SMAD4: variants seen among roughly 807,000 people sequenced by gnomAD.
The protein encoded by SMAD4 is SMAD family member 4.
Under a neutral mutation model 63.2 loss-of-function variants are expected in SMAD4, and 7 were observed. The observed-to-expected ratio is 0.11, with a 90% confidence interval of 0.06 to 0.21. The LOEUF is 0.21. SMAD4 is among the 10% of genes least tolerant of loss of function. SMAD4 has a pLI of 1.00. For synonymous variants in SMAD4, 215 were observed against 235.4 expected, an observed-to-expected ratio of 0.91 and a Z score of 0.79; for missense variants, 312 against 693.8, an observed-to-expected ratio of 0.45 and a Z score of 6.18.
At chr18:51,059,737 A>C in intron 7 of SMAD4, 129 bp from the exon 8 acceptor site, 1 of 713,938 alleles carries the variant, frequency 1.4e-6, no homozygotes. Context: ...AAGTTCTTAG[A>C]CATTGCATAA....
chr18:51,030,899 G>A (rs1909027927), intron 1 of SMAD4, among the ~76,000 whole-genome samples: 1 of 152,062 alleles, frequency 6.6e-6, no homozygotes, highest in Non-Finnish European at 1.5e-5. Flanking sequence ...CTCCTGCCGC[G>A]GCCGCCGCTC....
chr18:51,071,942 C>A (rs1462805557), intron 10 of SMAD4, among the ~76,000 whole-genome samples: 2 of 152,224 alleles, frequency 1.3e-5, no homozygotes, highest in East Asian at 3.8e-4. Context: ...GTAGCACATA[C>A]CAATTCTTCA....
chr18:51,058,217 A>C lies in SMAD4; in HGVS notation c.760A>C (p.Thr254Pro). The C allele has an allele frequency of 6.2e-7, 1 of 1,614,224 alleles. No individual in the cohort carries two copies. Among genetic ancestry groups the C allele is most frequent in the Admixed American group, 1.7e-5 (1 of 60,024 alleles). The change falls in exon 6 of 12, where the codon ACT becomes CCT. Residue 254 changes from threonine (T) to proline (P), a missense_variant. Coordinates refer to ENST00000342988, the MANE Select transcript of SMAD4 (RefSeq NM_005359.6). ...PQPGQQQNGFTGQPATYHHNS... is the reference protein window; with the variant it reads ...PQPGQQQNGFPGQPATYHHNS... ...GCCAGGACAGCAGCAGAATGGATTT[A>C]CTGGTCAGCCAGCTACTTACCATCA...
chr18:51,045,152 A>T (rs892809588), intron 1 of SMAD4: 1 of 152,234 alleles, frequency 6.6e-6, no homozygotes, highest in Non-Finnish European at 1.5e-5. Context: ...TGTAACTGTA[A>T]CGGAATGTAG....
At chr18:51,071,781 A>G (rs906074634) in intron 10 of SMAD4, among the ~76,000 whole-genome samples, 2 of 152,094 alleles carry the variant, frequency 1.3e-5, no homozygotes, top group Non-Finnish European at 2.9e-5. Context: ...TCACCCCCAA[A>G]TCTCCATTTC....
At chr18:51,038,434 C>G (rs1909276082) in intron 1 of SMAD4, among the ~76,000 whole-genome samples, 1 of 152,202 alleles carries the variant, frequency 6.6e-6, no homozygotes, top group South Asian at 2.1e-4. Flanking sequence ...TTCACTGATA[C>G]AGTGAATTCC....
In SMAD4 at chr18:51,084,001, C is replaced by G. The variant is rs923444877; in HGVS notation, c.*5534C>G. 0.011 allele frequency: 859 copies of G among 80,914 alleles called. 3 individuals are homozygous for G. The highest frequency in any genetic ancestry group is 0.042 in the African/African-American group (797 of 18,796). 5.0% of individuals were successfully genotyped at this position (80,914 alleles called of 1,614,324 possible). On this transcript the variant is annotated 3_prime_UTR_variant, in exon 12 of 12. Transcript: ENST00000342988. ...GCAATAAACACTTAACGCGCGTGCG[C>G]ACGCGCGCGCGCACACACACACACA...
intron 2 of SMAD4, among the ~76,000 whole-genome samples, chr18:51,048,373 G>T (rs567633384): frequency 1.2e-4 from 19 of 152,102 alleles, no homozygotes; most frequent in Non-Finnish European, 8.8e-5. Context: ...GTCCAGGCTG[G>T]TCTTGAACTC....
Position 51,059,763 on chromosome 18 carries a change from TTCC to T in SMAD4, c.905-101_905-99del. The T allele has an allele frequency of 4.6e-6, 4 of 869,978 alleles. No homozygotes were observed. The South Asian group carries it at 5.6e-5, about 12-fold the overall frequency. The allele number at this position is 869,978 out of a possible 1,614,324, so 53.9% of individuals were successfully genotyped here. ...CATTGCATAAGCTTGTTTTAAACAA[TTCC>T]TAACCTATAATAGTTATATTTAAGT... is the stretch of plus-strand genomic sequence containing the variant. On this transcript the variant is annotated intron_variant, in intron 7 of 11. Transcript: ENST00000342988.
chr18:51,052,770 A>G (rs911871619), intron 4 of SMAD4: 3 of 198,148 alleles, frequency 1.5e-5, no homozygotes, highest in Admixed American at 5.4e-5. Flanking sequence ...CAGGGTTTCT[A>G]TATGCAAAAA....
intron 5 of SMAD4, among the ~76,000 whole-genome samples, chr18:51,056,175 G>T (rs747085487): frequency 1.3e-5 from 2 of 152,104 alleles, no homozygotes; most frequent in Non-Finnish European, 2.9e-5. Context: ...GACAAACAGT[G>T]GGTAGTGATA....
Position 51,081,291 on chromosome 18 carries a change from TAC to T in SMAD4, c.*2827_*2828del, listed in dbSNP as rs2144485540. 2 of 227,796 alleles carry T rather than the reference TAC, an allele frequency of 8.8e-6. No homozygotes were observed. The highest frequency in any genetic ancestry group is 1.3e-4 in the East Asian group (2 of 15,858). 14.1% of individuals were successfully genotyped at this position (227,796 alleles called of 1,614,324 possible). A position where few individuals can be genotyped will look rare whatever the true frequency, so the allele number is the denominator to read the frequency against. On this transcript the variant is annotated 3_prime_UTR_variant, in exon 12 of 12. Coordinates refer to ENST00000342988, the MANE Select transcript of SMAD4 (RefSeq NM_005359.6). ...CAAGCTGAATGAGAGATGAGCCATG[TAC>T]ACCCACCGTAAGACCTCATTCCATG...
Position 51,081,588 on chromosome 18 carries a change from A to G in SMAD4, c.*3121A>G, listed in dbSNP as rs913514068. 4 of 232,586 alleles carry G rather than the reference A, an allele frequency of 1.7e-5. No individual in the cohort carries two copies. Among genetic ancestry groups the G allele is most frequent in the African/African-American group, 4.4e-5 (2 of 45,300 alleles). 14.4% of individuals were successfully genotyped at this position (232,586 alleles called of 1,614,324 possible). ...TTTACAGGTTGCATGGTCTGGCTTA[A>G]GGAGAGCCATACTTGAGACATGTGA... On this transcript the variant is annotated 3_prime_UTR_variant, in exon 12 of 12. Transcript: ENST00000342988.
Position 51,080,187 on chromosome 18 carries a change from C to A in SMAD4, c.*1720C>A. On this transcript the variant is annotated 3_prime_UTR_variant, in exon 12 of 12. Transcript: ENST00000342988. Reference sequence around the variant, plus strand: ...AATGAACACAGCTTCTACTGCCTTGCTCAGAAGGTCTTTTAAATAGACCAT... The same window carrying A: ...AATGAACACAGCTTCTACTGCCTTGATCAGAAGGTCTTTTAAATAGACCAT... 4.3e-6 allele frequency: 1 copy of A among 232,530 alleles called. No individual in the cohort carries two copies. The highest frequency in any genetic ancestry group is 8.5e-6 in the Non-Finnish European group (1 of 117,644). The allele number at this position is 232,530 out of a possible 1,614,324, so 14.4% of individuals were successfully genotyped here.
In SMAD4 at chr18:51,058,018, TC is replaced by T. The variant is rs1909886610; in HGVS notation, c.668-106del. On this transcript the variant is annotated intron_variant, in intron 5 of 11. Transcript: ENST00000342988. ...ATGGGTGAGTTACACTTTTTGCCCA[TC>T]TTTATAGTTGTGCATTATCAGATAA... 6 of 1,346,952 alleles carry T rather than the reference TC, an allele frequency of 4.5e-6. No homozygotes were observed. The Admixed American group carries it at 7.1e-5, about 16-fold the overall frequency. 83.4% of individuals were successfully genotyped at this position (1,346,952 alleles called of 1,614,324 possible).
chr18:51,063,986 CAT>C, intron 8 of SMAD4, among the ~76,000 whole-genome samples: 1 of 151,928 alleles, frequency 6.6e-6, no homozygotes, highest in East Asian at 1.9e-4. Context: ...AATTAGGGTA[CAT>C]AGCTTTTACA....
rs1288590960 is a variant in SMAD4 at position 51,083,191 on chromosome 18, C to T, written c.*4724C>T. 4 of 227,034 alleles carry T rather than the reference C, an allele frequency of 1.8e-5. No individual in the cohort carries two copies. The highest frequency in any genetic ancestry group is 4.4e-5 in the African/African-American group (2 of 44,984). The allele number at this position is 227,034 out of a possible 1,614,324, so 14.1% of individuals were successfully genotyped here. On this transcript the variant is annotated 3_prime_UTR_variant, in exon 12 of 12. Coordinates refer to ENST00000342988, the MANE Select transcript of SMAD4 (RefSeq NM_005359.6). ...TAGCATCAGTAGCCAGAGGCAATAC[C>T]GTTGTCTGGAGGACACCAGCAAACA...
At chr18:51,034,822 A>G (rs1351011632) in intron 1 of SMAD4, among the ~76,000 whole-genome samples, 1 of 152,208 alleles carries the variant, frequency 6.6e-6, no homozygotes, top group Non-Finnish European at 1.5e-5. Flanking sequence ...CTGGGATTAA[A>G]GGCATGAGCC....
rs1352054116 is a variant in SMAD4 at position 51,041,975 on chromosome 18, C to T, written c.-127-4945C>T. Among the ~76,000 whole-genome samples the T allele has an allele frequency of 2.0e-5, 3 of 152,140 alleles. No individual in the cohort carries two copies. In the East Asian group the frequency reaches 5.8e-4, roughly 29 times the overall value. Reference sequence around the variant, plus strand: ...ATAGTCCCAAATCACTTTATACCTACTTCTTTTAGCATTTATTACTTATGT... The same window carrying T: ...ATAGTCCCAAATCACTTTATACCTATTTCTTTTAGCATTTATTACTTATGT... On this transcript the variant is annotated intron_variant, in intron 1 of 11. Coordinates refer to ENST00000342988, the MANE Select transcript of SMAD4 (RefSeq NM_005359.6).
Sources: allele counts gnomAD v4.1 joint callset (sites outside exome capture counted in the v4.1 genomes callset), GRCh38; gene constraint gnomAD v4.1.1; transcripts MANE v1.5; gene names NCBI Gene and HGNC (gene_info 2026-07-23, HGNC 2026-07-21).